PDSS2: variants seen among roughly 807,000 people sequenced by gnomAD.
PDSS2 encodes all trans-polyprenyl-diphosphate synthase PDSS2.
In PDSS2, 31 loss-of-function variants were observed where a neutral mutation model predicts 44.5. That is an observed-to-expected ratio of 0.70 (90% CI 0.52 to 0.94). PDSS2 has a LOEUF of 0.94. Ranked by LOEUF, PDSS2 falls within the 40% of genes least tolerant of loss-of-function variation. The pLI, the probability that PDSS2 is intolerant of heterozygous loss-of-function variation, is 0.00. For missense variants in PDSS2, 452 were observed against 482.2 expected, an observed-to-expected ratio of 0.94 and a Z score of 0.59; for synonymous variants, 157 against 180.3, an observed-to-expected ratio of 0.87 and a Z score of 1.03.
At chr6:107,170,617 C>CCA (rs1771536555) in intron 7 of PDSS2, among the ~76,000 whole-genome samples, 1 of 67,274 alleles carries the variant, frequency 1.5e-5, no homozygotes, top group African/African-American at 6.2e-5. Context: ...CCCCCCCCCC[C>CCA]CCACTTTTTT....
At position 107,173,299 on chromosome 6, in the gene PDSS2, C is replaced by T. The variant is rs138312911; in HGVS notation, c.1042-18522G>A. Among the ~76,000 whole-genome samples, 30 of 149,672 alleles carry T rather than the reference C, an allele frequency of 2.0e-4. No individual in the cohort carries two copies. The East Asian group carries it at 5.1e-3, about 25-fold the overall frequency. On this transcript the variant is annotated intron_variant, in intron 7 of 7. Transcript: ENST00000369037. ...ATATTGAACAGGAAAACAGGCCAGGCGCGGTGGCTCACAGCTGTAATCCCA... is the reference window on the plus strand; with the variant it reads ...ATATTGAACAGGAAAACAGGCCAGGTGCGGTGGCTCACAGCTGTAATCCCA...
In PDSS2 at chr6:107,225,159, ATATTTTTTTTTTTTTTTT is replaced by A. The variant is rs1471429994; in HGVS notation, c.703-12895_703-12878del. 2.8e-4 allele frequency among the ~76,000 whole-genome samples: 13 copies of A among 46,606 alleles called. No homozygotes were observed. In the South Asian group the frequency reaches 4.1e-3, roughly 15 times the overall value. The allele number at this position is 46,606 out of a possible 152,430, so 30.6% of individuals were successfully genotyped here. On this transcript the variant is annotated intron_variant, in intron 4 of 7. Coordinates refer to ENST00000369037, the MANE Select transcript of PDSS2 (RefSeq NM_020381.4). ...TTTTTATATATATATATATATATATATATTTTTTTTTTTTTTTTTTTTTTTTTTTTGAGACAGAGTGTC... is the reference window on the plus strand; with the variant it reads ...TTTTTATATATATATATATATATATATTTTTTTTTTTTGAGACAGAGTGTC...
chr6:107,285,077 C>A lies in PDSS2; in HGVS notation c.432-10850G>T, dbSNP rs192255392. On this transcript the variant is annotated intron_variant, in intron 2 of 7. Coordinates refer to ENST00000369037, the MANE Select transcript of PDSS2 (RefSeq NM_020381.4). ...GGACTCTGGTTCTAAAGCCTGGGCT[C>A]TTTGCATATCAATAGAAAACTAATA... Among the ~76,000 whole-genome samples, 426 of 152,266 alleles carry A rather than the reference C, an allele frequency of 2.8e-3. 7 individuals carry two copies. Among genetic ancestry groups the A allele is most frequent in the African/African-American group, 9.4e-3 (391 of 41,556 alleles).
intron 4 of PDSS2, among the ~76,000 whole-genome samples, chr6:107,223,429 GCTGAGGTGGGAAGA>G (rs1251274432): frequency 6.6e-6 from 1 of 151,072 alleles, no homozygotes; most frequent in Non-Finnish European, 1.5e-5. Context: ...TCCTCGGGAG[GCTGAGGTGGGAAGA>G]CTGCTTGAGC....
intron 2 of PDSS2, among the ~76,000 whole-genome samples, chr6:107,331,014 C>T (rs929911567): frequency 1.3e-5 from 2 of 152,120 alleles, no homozygotes; most frequent in Non-Finnish European, 2.9e-5. Context: ...TTACTCAGGT[C>T]CCGTTATCTG....
intron 1 of PDSS2, among the ~76,000 whole-genome samples, chr6:107,404,882 C>A (rs1780261007): frequency 6.6e-6 from 1 of 152,148 alleles, no homozygotes; most frequent in Non-Finnish European, 1.5e-5. Context: ...TTCATGAAAA[C>A]TTCCCTATTC....
chr6:107,178,015 T>A (rs1771853790), intron 7 of PDSS2, among the ~76,000 whole-genome samples: 1 of 152,198 alleles, frequency 6.6e-6, no homozygotes, highest in Admixed American at 6.6e-5. Flanking sequence ...CTTATACATT[T>A]CTTATATCCT....
chr6:107,345,456 T>C (rs952273423), intron 1 of PDSS2, among the ~76,000 whole-genome samples: 1 of 151,570 alleles, frequency 6.6e-6, no homozygotes, highest in Non-Finnish European at 1.5e-5. Context: ...GTTAGAAGAT[T>C]TGTACTTGAA....
chr6:107,306,372 C>T lies in PDSS2; in HGVS notation c.431+27826G>A, dbSNP rs376862800. ...TCTCTCTGCACAAACTCTCTCTTTGCCTGCTGCCATCAATGTAAGATGTGA... is the reference window on the plus strand; with the variant it reads ...TCTCTCTGCACAAACTCTCTCTTTGTCTGCTGCCATCAATGTAAGATGTGA... On this transcript the variant is annotated intron_variant, in intron 2 of 7. Transcript: ENST00000369037. Among the ~76,000 whole-genome samples the T allele has an allele frequency of 1.1e-4, 17 of 152,264 alleles. No homozygotes were observed. The South Asian group carries it at 3.5e-3, about 32-fold the overall frequency.
chr6:107,386,678 G>A (rs1369792566), intron 1 of PDSS2, among the ~76,000 whole-genome samples: 1 of 152,140 alleles, frequency 6.6e-6, no homozygotes, highest in Non-Finnish European at 1.5e-5. Context: ...AAGATCTCAG[G>A]ATTAGGGTAC....
chr6:107,334,583 C>T (rs1035810602), intron 1 of PDSS2, among the ~76,000 whole-genome samples: 2 of 151,742 alleles, frequency 1.3e-5, no homozygotes, highest in African/African-American at 4.8e-5. Flanking sequence ...GCTCTGTCAC[C>T]CAGGCTGAGT....
intron 1 of PDSS2, among the ~76,000 whole-genome samples, chr6:107,424,036 CT>C (rs56318621): frequency 1.3e-4 from 12 of 90,592 alleles, no homozygotes; most frequent in South Asian, 3.2e-4. Flanking sequence ...TATCTTGCAT[CT>C]TTTTTTTTTT....
At chr6:107,271,059 T>A (rs1010839356) in intron 3 of PDSS2, among the ~76,000 whole-genome samples, 1 of 152,212 alleles carries the variant, frequency 6.6e-6, no homozygotes, top group African/African-American at 2.4e-5. Flanking sequence ...TAAATATAAG[T>A]TATGTTGCAG....
At chr6:107,422,084 A>G (rs1286146373) in intron 1 of PDSS2, among the ~76,000 whole-genome samples, 1 of 150,572 alleles carries the variant, frequency 6.6e-6, no homozygotes, top group Non-Finnish European at 1.5e-5. Flanking sequence ...AAATTTTAAA[A>G]GTAAAAAAAA....
intron 1 of PDSS2, among the ~76,000 whole-genome samples, chr6:107,425,673 T>C (rs1035888132): frequency 6.6e-6 from 1 of 152,116 alleles, no homozygotes; most frequent in African/African-American, 2.4e-5. Flanking sequence ...GACAATGCAA[T>C]TGAAAAGAAA....
rs138214040 is a variant in PDSS2 at position 107,183,433 on chromosome 6, C to T, written c.1041+10389G>A. On this transcript the variant is annotated intron_variant, in intron 7 of 7. Coordinates refer to ENST00000369037, the MANE Select transcript of PDSS2 (RefSeq NM_020381.4). The stretch of plus-strand genomic sequence containing the variant: ...ACATCTTTGGCCAGGTGCGGTGGCT[C>T]ATGCCTGTAATCTCAGTACTTTGGG... 2.9e-4 allele frequency among the ~76,000 whole-genome samples: 44 copies of T among 152,252 alleles called. 1 individual carries two copies. In the South Asian group the frequency reaches 4.6e-3, roughly 16 times the overall value.
Position 107,347,839 on chromosome 6 carries a change from A to C in PDSS2, c.297-13507T>G, listed in dbSNP as rs1055836104. Among the ~76,000 whole-genome samples the C allele has an allele frequency of 1.1e-4, 17 of 152,304 alleles. No homozygotes were observed. The East Asian group carries it at 3.1e-3, about 28-fold the overall frequency. ...ATCTTAATGGCTATATGTTGTCCTA[A>C]TTAATATTAAAACAATTAATTTTTA... On this transcript the variant is annotated intron_variant, in intron 1 of 7. Coordinates refer to ENST00000369037, the MANE Select transcript of PDSS2 (RefSeq NM_020381.4).
At chr6:107,404,924 G>C (rs1234498905) in intron 1 of PDSS2, among the ~76,000 whole-genome samples, 1 of 152,054 alleles carries the variant, frequency 6.6e-6, no homozygotes, top group Non-Finnish European at 1.5e-5. Flanking sequence ...AGATATAAGA[G>C]GCTCAACAAA....
intron 1 of PDSS2, among the ~76,000 whole-genome samples, chr6:107,384,681 TA>T (rs1468116712): frequency 6.6e-6 from 1 of 151,482 alleles, no homozygotes; most frequent in African/African-American, 2.4e-5. Flanking sequence ...AAAAACCCAC[TA>T]AACTGTATAC....
Sources: allele counts gnomAD v4.1 joint callset (sites outside exome capture counted in the v4.1 genomes callset), GRCh38; gene constraint gnomAD v4.1.1; transcripts MANE v1.5; gene names NCBI Gene and HGNC (gene_info 2026-07-23, HGNC 2026-07-21).